The following PIEZO1 variants were observed in gnomAD, a reference collection of about 807,000 sequenced individuals.
The protein encoded by PIEZO1 is piezo-type mechanosensitive ion channel component 1.
Under a neutral mutation model 297.2 loss-of-function variants are expected in PIEZO1, and 296 were observed. That is an observed-to-expected ratio of 1.00 (90% CI 0.91 to 1.10). PIEZO1 has a LOEUF of 1.10. Among genes scored for constraint, PIEZO1 ranks in the 50% least tolerant of loss-of-function variants. PIEZO1 has a pLI of 0.00. For synonymous variants in PIEZO1, 2,427 were observed against 1,507.5 expected (o/e 1.61, Z -14.13); for missense variants, 5,018 against 3,455.5 (o/e 1.45, Z -11.34).
Position 88,762,096 on chromosome 16 carries a change from G to C in PIEZO1, c.65-12617C>G, listed in dbSNP as rs180949446. ...GGGTAGAGGGTGTGGCCCCAGGAAG[G>C]ACGCAGGTCCCGGAATGTCTGACGG... On this transcript the variant is annotated intron_variant, in intron 1 of 50. Coordinates refer to ENST00000301015, the MANE Select transcript of PIEZO1 (RefSeq NM_001142864.4). Among the ~76,000 whole-genome samples the C allele has an allele frequency of 6.4e-3, 969 of 152,334 alleles. 13 individuals are homozygous for C. The highest frequency in any genetic ancestry group is 0.011 in the Non-Finnish European group (737 of 68,030).
chr16:88,742,725 T>C (rs1905768649), intron 2 of PIEZO1: 1 of 409,346 alleles, frequency 2.4e-6, no homozygotes, highest in African/African-American at 2.0e-5. Context: ...TGCTCCCTCA[T>C]CCAGCAAATA....
In PIEZO1 at chr16:88,726,091, C is replaced by A. The variant is rs1597449493; in HGVS notation, c.3968+193G>T. 8.3e-6 allele frequency: 5 copies of A among 602,274 alleles called. No individual in the cohort carries two copies. The East Asian group carries it at 1.4e-4, about 17-fold the overall frequency. 37.3% of individuals were successfully genotyped at this position (602,274 alleles called of 1,614,324 possible). ...ACTGCAGCCTGTGGTCTCTGACAGACCCAGCACTGGGGCAGAGTGTGATGG... is the reference window on the plus strand; with the variant it reads ...ACTGCAGCCTGTGGTCTCTGACAGAACCAGCACTGGGGCAGAGTGTGATGG... On this transcript the variant is annotated intron_variant, in intron 27 of 50. Coordinates refer to ENST00000301015, the MANE Select transcript of PIEZO1 (RefSeq NM_001142864.4).
intron 1 of PIEZO1, among the ~76,000 whole-genome samples, chr16:88,781,180 A>G (rs544316146): frequency 1.3e-5 from 2 of 152,200 alleles, no homozygotes; most frequent in South Asian, 4.2e-4. Flanking sequence ...GTTCCCCTTC[A>G]TCTTTGAGCA....
At chr16:88,768,925 G>A (rs1371976212) in intron 1 of PIEZO1, among the ~76,000 whole-genome samples, 1 of 152,222 alleles carries the variant, frequency 6.6e-6, no homozygotes, top group African/African-American at 2.4e-5. Flanking sequence ...GATGCACCTT[G>A]GCAAAGCAAG....
At chr16:88,783,867 G>A (rs1368213047) in intron 1 of PIEZO1, among the ~76,000 whole-genome samples, 1 of 152,254 alleles carries the variant, frequency 6.6e-6, no homozygotes, top group Non-Finnish European at 1.5e-5. Flanking sequence ...CTAGCGCTGG[G>A]CGAGCTCCCA....
intron 1 of PIEZO1, among the ~76,000 whole-genome samples, chr16:88,757,615 G>A (rs72813530): frequency 0.044 from 6,626 of 152,242 alleles, 212 homozygotes; most frequent in Middle Eastern, 0.1. Flanking sequence ...GAGAGCCCAT[G>A]GGTTGAAGCT....
In PIEZO1 at chr16:88,725,113, G is replaced by C. The variant is rs758252785; in HGVS notation, c.4163-33C>G. On this transcript the variant is annotated intron_variant, in intron 29 of 50. Coordinates refer to ENST00000301015, the MANE Select transcript of PIEZO1 (RefSeq NM_001142864.4). ...GGGGCAGGGTGAGCATGAGGCAGCA[G>C]TCAAGCCACCAGGAGGGGTCGGGGC... 1.7e-5 allele frequency: 25 copies of C among 1,456,464 alleles called. No homozygotes were observed. The Middle Eastern group carries it at 1.2e-3, about 72-fold the overall frequency. The allele number at this position is 1,456,464 out of a possible 1,614,324, so 90.2% of individuals were successfully genotyped here.
chr16:88,726,823 C>T lies in PIEZO1; in HGVS notation c.3591G>A (p.Leu1197=). Residue 1197 remains leucine (L), a synonymous_variant, in exon 25 of 51, where the codon CTG becomes CTA. Transcript: ENST00000301015. ...TCTGCAGCAGGGCCGTGCCGAAGAG[C>T]AGCAGGTAGAAGCAGGCCAGCAGGT... The part of the protein sequence containing the change: ...LGYLLACFYL[L]LFGTALLQRD... The T allele has an allele frequency of 1.9e-6, 3 of 1,550,350 alleles. No individual in the cohort carries two copies. Among genetic ancestry groups the T allele is most frequent in the Non-Finnish European group, 8.7e-7 (1 of 1,146,940 alleles).
At chr16:88,740,841 G>A (rs1232907239) in intron 5 of PIEZO1, 2 of 152,310 alleles carry the variant, frequency 1.3e-5, no homozygotes, top group Non-Finnish European at 2.9e-5. Context: ...GCTGAGCCTG[G>A]GGATGGCAAG....
chr16:88,721,248 C>A lies in PIEZO1; in HGVS notation c.5586G>T (p.Arg1862Ser), dbSNP rs1391173232. The A allele has an allele frequency of 1.3e-6, 2 of 1,542,602 alleles. No homozygotes were observed. Among genetic ancestry groups the A allele is most frequent in the Non-Finnish European group, 1.7e-6 (2 of 1,146,358 alleles). Residue 1862 changes from arginine to serine, a missense_variant, in exon 39 of 51, where the codon AGG (arginine) becomes AGT (serine). Physicochemically the swap from Arg to Ser is moderately radical, Grantham distance 110. Coordinates refer to ENST00000301015, the MANE Select transcript of PIEZO1 (RefSeq NM_001142864.4). ...DGTPEPQVEL[R>S]PRDTRRISLR... ...GACTGATGCGCCTCGTATCACGGGG[C>A]CTGAGCTCCACTTGGGGTTCTGGGG...
Position 88,722,891 on chromosome 16 carries a change from G to A in PIEZO1, c.4614C>T (p.Thr1538=). 3 of 1,549,076 alleles carry A rather than the reference G, an allele frequency of 1.9e-6. No homozygotes were observed. The highest frequency in any genetic ancestry group is 1.2e-5 in the South Asian group (1 of 84,060). ...GCTCTGCCCGCAGCACGTCGCTCAT[G>A]GTGCCGTGGTGCCGGGTGAACTCCT... ...WLQEFTRHHG[T]MSDVLRAERY... The change falls in exon 34 of 51, where the codon ACC becomes ACT. Residue 1538 remains threonine, a synonymous_variant. Coordinates refer to ENST00000301015, the MANE Select transcript of PIEZO1 (RefSeq NM_001142864.4).
At chr16:88,747,085 G>A (rs745823297) in intron 2 of PIEZO1, among the ~76,000 whole-genome samples, 1 of 152,198 alleles carries the variant, frequency 6.6e-6, no homozygotes, top group Non-Finnish European at 1.5e-5. Context: ...CAGTGCCTGC[G>A]CTGGGCACAG....
chr16:88,755,035 T>TGCGGCCATCAGGTCACCGCC (rs1185367625), intron 1 of PIEZO1, among the ~76,000 whole-genome samples: 2 of 152,316 alleles, frequency 1.3e-5, no homozygotes, highest in East Asian at 1.9e-4. Flanking sequence ...TGGACACACC[T>TGCGGCCATCAGGTCACCGCC]GCGGCCATCA....
chr16:88,779,036 C>CTT (rs34383297), intron 1 of PIEZO1, among the ~76,000 whole-genome samples: 2,810 of 135,094 alleles, frequency 0.021, 83 homozygotes, highest in African/African-American at 0.07. Flanking sequence ...TACGACTTCA[C>CTT]TTTTTTTTTT....
intron 2 of PIEZO1, chr16:88,743,736 T>C: frequency 4.6e-6 from 2 of 430,946 alleles, no homozygotes; most frequent in Admixed American, 2.5e-5. Flanking sequence ...CCCTCACGGA[T>C]GCCCAGGACT....
Position 88,726,706 on chromosome 16 carries a change from G to C in PIEZO1, c.3699+9C>G, listed in dbSNP as rs757407271. The C allele has an allele frequency of 4.0e-5, 62 of 1,549,172 alleles. No homozygotes were observed. Among genetic ancestry groups the C allele is most frequent in the Non-Finnish European group, 5.0e-5 (57 of 1,146,202 alleles). On this transcript the variant is annotated intron_variant, in intron 25 of 50. Transcript: ENST00000301015. ...CAGGGCGGTGGGTGCGGGGGGGCCG[G>C]AGGCTCACCGACAGCATGTTCTTGG...
At chr16:88,723,752 TGGAGGTGGA>T in intron 31 of PIEZO1, 110 bp downstream of exon 31, 1 of 635,298 alleles carries the variant, frequency 1.6e-6, no homozygotes, top group Non-Finnish European at 2.8e-6. Context: ...GTGGGCTAAC[TGGAGGTGGA>T]GGAGCTCGGC....
Position 88,736,743 on chromosome 16 carries a change from C to G in PIEZO1, c.1196-4G>C, listed in dbSNP as rs946453254. The G allele has an allele frequency of 9.9e-5, 150 of 1,511,280 alleles. No homozygotes were observed. Among genetic ancestry groups the G allele is most frequent in the Non-Finnish European group, 1.2e-4 (136 of 1,130,066 alleles). The allele number at this position is 1,511,280 out of a possible 1,614,324, so 93.6% of individuals were successfully genotyped here. Reference sequence around the variant, plus strand: ...GGCTCAGCCCGCTTGGGCCGCACTGCAGGTGGGGACAGCGGTCAGCTTCGG... The same window carrying G: ...GGCTCAGCCCGCTTGGGCCGCACTGGAGGTGGGGACAGCGGTCAGCTTCGG... On this transcript the variant is annotated splice_region_variant and splice_polypyrimidine_tract_variant and intron_variant, in intron 10 of 50. Coordinates refer to ENST00000301015, the MANE Select transcript of PIEZO1 (RefSeq NM_001142864.4).
chr16:88,773,577 G>C (rs1332238633), intron 1 of PIEZO1, among the ~76,000 whole-genome samples: 1 of 152,218 alleles, frequency 6.6e-6, no homozygotes, highest in Non-Finnish European at 1.5e-5. Context: ...AGGCTCCTAG[G>C]AACAGGGCCT....
Sources: allele counts gnomAD v4.1 joint callset (sites outside exome capture counted in the v4.1 genomes callset), GRCh38; gene constraint gnomAD v4.1.1; transcripts MANE v1.5; gene names NCBI Gene and HGNC (gene_info 2026-07-23, HGNC 2026-07-21).